CDC23: variants seen among roughly 807,000 people sequenced by gnomAD.
CDC23 encodes the protein cell division cycle protein 23 homolog.
In CDC23, 26 loss-of-function variants were observed where a neutral mutation model predicts 81.7. The ratio of observed to expected loss-of-function variants is 0.32; its 90% CI spans 0.23 to 0.44. The LOEUF is 0.44. Ranked by LOEUF, CDC23 falls within the 20% of genes least tolerant of loss-of-function variation. CDC23 has a pLI of 1.00. For synonymous variants in CDC23, 267 were observed against 270.8 expected (o/e 0.99, Z 0.14); for missense variants, 519 against 728.0 (o/e 0.71, Z 3.30).
rs1365943696 is a variant in CDC23 at position 138,188,870 on chromosome 5, G to T, written c.*108C>A. On this transcript the variant is annotated 3_prime_UTR_variant, in exon 16 of 16. Coordinates refer to ENST00000394886, the MANE Select transcript of CDC23 (RefSeq NM_004661.4). Reference sequence around the variant, plus strand: ...TGTCCCTATGGAGCTGTTGCCATCTGTAGAAACAAGAAGAGCTGAGGTCCT... The same window carrying T: ...TGTCCCTATGGAGCTGTTGCCATCTTTAGAAACAAGAAGAGCTGAGGTCCT... The T allele has an allele frequency of 3.7e-6, 4 of 1,085,398 alleles. No homozygotes were observed. Among genetic ancestry groups the T allele is most frequent in the South Asian group, 3.4e-5 (2 of 58,032 alleles). 67.2% of individuals were successfully genotyped at this position (1,085,398 alleles called of 1,614,324 possible). A position where few individuals can be genotyped will look rare whatever the true frequency, so the allele number is the denominator to read the frequency against.
chr5:138,191,978 G>A, intron 11 of CDC23, 41 bp from the exon 12 acceptor site: 1 of 1,552,006 alleles, frequency 6.4e-7, no homozygotes, highest in Non-Finnish European at 8.9e-7. Context: ...AGACTTTACA[G>A]AAACTGAAGT....
At position 138,189,038 on chromosome 5, in the gene CDC23, AG is replaced by A; in HGVS notation, c.1733del (p.Ser578LeufsTer122). The A allele has an allele frequency of 6.2e-7, 1 of 1,614,122 alleles. No individual in the cohort carries two copies. The highest frequency in any genetic ancestry group is 8.5e-7 in the Non-Finnish European group (1 of 1,180,000). ...PAPFFLPASL[S>X]ANNTPTRRVS... is the part of the protein sequence containing the mutation. ...CTCTGCGTGTGGGGGTATTGTTAGC[AG>A]AGAGTGAAGCAGGTAGGAAAAAGGG... On this transcript the variant is annotated frameshift_variant, in exon 16 of 16. Transcript: ENST00000394886. LOFTEE classifies it high-confidence loss of function.
Position 138,191,512 on chromosome 5 carries a change from C to A in CDC23, c.1386G>T (p.Val462=), listed in dbSNP as rs1429644724. 6.2e-7 allele frequency: 1 copy of A among 1,614,062 alleles called. No homozygotes were observed. The highest frequency in any genetic ancestry group is 1.3e-5 in the African/African-American group (1 of 74,916). ...AKKCYWRAYA[V]GDVEKMALVK... Reference sequence around the variant, plus strand: ...CCAGAGCCATTTTCTCCACATCTCCCACGGCGTAAGCTCTCCAATAACACT... The same window carrying A: ...CCAGAGCCATTTTCTCCACATCTCCAACGGCGTAAGCTCTCCAATAACACT... The change falls in exon 13 of 16, where the codon GTG becomes GTT. Residue 462 remains valine (V), a synonymous_variant. Transcript: ENST00000394886.
intron 9 of CDC23, among the ~76,000 whole-genome samples, chr5:138,194,137 CT>C (rs1754857759): frequency 6.6e-6 from 1 of 152,106 alleles, no homozygotes; most frequent in South Asian, 2.1e-4. Context: ...ACATGGAATA[CT>C]ACTCAGCAAT....
chr5:138,197,919 C>T (rs181747845), intron 9 of CDC23, among the ~76,000 whole-genome samples: 1 of 152,250 alleles, frequency 6.6e-6, no homozygotes, highest in African/African-American at 2.4e-5. Flanking sequence ...TTACCTTTGG[C>T]ACTTTTGTAT....
At chr5:138,195,538 TTA>T (rs1754876477) in intron 9 of CDC23, among the ~76,000 whole-genome samples, 2 of 115,784 alleles carry the variant, frequency 1.7e-5, no homozygotes, top group South Asian at 4.7e-4. Flanking sequence ...TTATATATAT[TTA>T]TATATAATAT....
chr5:138,188,392 A>G lies in CDC23; in HGVS notation c.*586T>C, dbSNP rs1371064315. On this transcript the variant is annotated 3_prime_UTR_variant, in exon 16 of 16. Transcript: ENST00000394886. ...TGAATAAAGTTACTTCCAATTTGAAAGCTTTAGAAGACCCCCCCAAAACTG... is the reference window on the plus strand; with the variant it reads ...TGAATAAAGTTACTTCCAATTTGAAGGCTTTAGAAGACCCCCCCAAAACTG... 1 of 152,124 alleles carries G rather than the reference A, an allele frequency of 6.6e-6. No homozygotes were observed. The highest frequency in any genetic ancestry group is 1.5e-5 in the Non-Finnish European group (1 of 68,032). 9.4% of individuals were successfully genotyped at this position (152,124 alleles called of 1,614,324 possible). A position where few individuals can be genotyped will look rare whatever the true frequency, so the allele number is the denominator to read the frequency against.
rs1001291310 is a variant in CDC23, at chr5:138,201,196, T to C, written c.565A>G (p.Ile189Val). The change falls in exon 6 of 16, where the codon ATT becomes GTT. Residue 189 changes from isoleucine to valine, a missense_variant. Physicochemically the swap from Ile to Val is conservative, Grantham distance 29. Transcript: ENST00000394886. ...TGAGTAGCTTCCACAAACACATCAA[T>C]GGCCTCTTTAACCAAGTCCAGTTTT... is the stretch of plus-strand genomic sequence containing the variant. ...LRKLDLVKEA[I>V]DVFVEATHVL... The C allele has an allele frequency of 6.2e-7, 1 of 1,614,176 alleles. No individual in the cohort carries two copies. The highest frequency in any genetic ancestry group is 8.5e-7 in the Non-Finnish European group (1 of 1,180,038).
chr5:138,193,628 T>C (rs11950139), intron 9 of CDC23, among the ~76,000 whole-genome samples: 1 of 146,068 alleles, frequency 6.8e-6, no homozygotes, highest in Non-Finnish European at 1.5e-5. Flanking sequence ...TATGATTCTG[T>C]CTCAAAAAAA....
Position 138,201,200 on chromosome 5 carries a change from C to T in CDC23, c.561G>A (p.Glu187=). ...VVLRKLDLVK[E]AIDVFVEATH... is the part of the protein sequence containing the mutation. ...TAGCTTCCACAAACACATCAATGGC[C>T]TCTTTAACCAAGTCCAGTTTTCGAA... is the stretch of plus-strand genomic sequence containing the variant. Residue 187 remains glutamate (E), a synonymous_variant, in exon 6 of 16, where the codon GAG becomes GAA. Transcript: ENST00000394886. The T allele has an allele frequency of 3.1e-6, 5 of 1,614,172 alleles. No individual in the cohort carries two copies. Among genetic ancestry groups the T allele is most frequent in the Non-Finnish European group, 3.4e-6 (4 of 1,180,046 alleles).
intron 3 of CDC23, chr5:138,205,868 CA>C (rs1378680580): frequency 6.6e-6 from 1 of 152,108 alleles, no homozygotes; most frequent in African/African-American, 2.4e-5. Flanking sequence ...CTCAAAGCAC[CA>C]ATGACACTCA....
intron 6 of CDC23, 140 bp from the exon 7 acceptor site, chr5:138,198,922 C>CA: frequency 2.5e-6 from 2 of 790,728 alleles, no homozygotes; most frequent in South Asian, 3.7e-5. Context: ...ACAGGACAGT[C>CA]CAATTAACTG....
chr5:138,202,194 T>C, intron 3 of CDC23, 39 bp from the exon 4 acceptor site: 4 of 1,528,396 alleles, frequency 2.6e-6, no homozygotes, highest in Non-Finnish European at 3.6e-6. Context: ...TTTTTCAGTT[T>C]ATTCTAAAAC....
rs1169587441 is a variant in CDC23, at chr5:138,206,641, T to C, written c.278A>G (p.Tyr93Cys). The C allele has an allele frequency of 6.2e-7, 1 of 1,614,070 alleles. No homozygotes were observed. The highest frequency in any genetic ancestry group is 8.5e-7 in the Non-Finnish European group (1 of 1,179,968). ...DMDAYTLAKA[Y>C]FDVKEYDRAA... ...CCGATCATACTCTTTAACGTCAAAG[T>C]AGGCCTTGGCCAGGGTATAGGCATC... Residue 93 changes from tyrosine to cysteine, a missense_variant, in exon 3 of 16, where the codon TAC (tyrosine) becomes TGC (cysteine). Transcript: ENST00000394886.
At position 138,213,305 on chromosome 5, in the gene CDC23, G is replaced by C; in HGVS notation, c.8C>G (p.Ala3Gly). The stretch of plus-strand genomic sequence containing the variant: ...AGCCACCGGGACCATGGAGGTACTC[G>C]CAGCCATTTTCCCGACTCGGGCCAC... MA[A>G]STSMVPVAVT... Residue 3 changes from alanine (A) to glycine (G), a missense_variant, in exon 1 of 16, where the codon GCG (alanine) becomes GGG (glycine). Around this residue, in one of 4 missense-constraint regions of CDC23, gnomAD observed 126 missense variants for 116.2 expected, o/e 1.08. Coordinates refer to ENST00000394886, the MANE Select transcript of CDC23 (RefSeq NM_004661.4). 1 of 1,613,388 alleles carries C rather than the reference G, an allele frequency of 6.2e-7. No individual in the cohort carries two copies. The highest frequency in any genetic ancestry group is 8.5e-7 in the Non-Finnish European group (1 of 1,179,692).
intron 2 of CDC23, among the ~76,000 whole-genome samples, chr5:138,211,041 T>C (rs1420332628): frequency 6.6e-6 from 1 of 152,116 alleles, no homozygotes; most frequent in Non-Finnish European, 1.5e-5. Context: ...GAAAATAAAT[T>C]ATTCTACCAA....
At chr5:138,201,015 A>G in intron 6 of CDC23, 92 bp downstream of exon 6, 2 of 1,424,676 alleles carry the variant, frequency 1.4e-6, no homozygotes, top group Non-Finnish European at 1.9e-6. Flanking sequence ...CTATAACCAA[A>G]GCCCTGCCAA....
At chr5:138,210,835 C>G (rs923957442) in intron 2 of CDC23, among the ~76,000 whole-genome samples, 6 of 152,176 alleles carry the variant, frequency 3.9e-5, no homozygotes, top group African/African-American at 7.2e-5. Flanking sequence ...TTTACTGAGG[C>G]TCTACTTCTC....
chr5:138,193,144 T>A (rs1357772125), intron 9 of CDC23, among the ~76,000 whole-genome samples: 1 of 152,102 alleles, frequency 6.6e-6, no homozygotes, highest in Non-Finnish European at 1.5e-5. Context: ...GCCAGGGTGG[T>A]CACAAACTCC....
Sources: gnomAD v4.1 joint callset for allele counts (sites outside exome capture counted in the v4.1 genomes callset) on GRCh38, gnomAD v4.1.1 for gene constraint, gnomAD v4.1.1 regional missense constraint, MANE v1.5 for transcripts, NCBI Gene and HGNC (gene_info 2026-07-23, HGNC 2026-07-21) for gene names.